The following R3HDM2 variants were observed in gnomAD, a reference collection of about 807,000 sequenced individuals.
The protein encoded by R3HDM2 is R3H domain-containing protein 2.
In R3HDM2, 38 loss-of-function variants were observed where a neutral mutation model predicts 124.5. The ratio of observed to expected loss-of-function variants is 0.31; its 90% CI spans 0.24 to 0.40. The LOEUF is 0.40. Among genes scored for constraint, R3HDM2 ranks in the 10% least tolerant of loss-of-function variants. The probability of loss-of-function intolerance (pLI) is 1.00; values close to 1 mark genes in which losing one functional copy is unlikely to be tolerated. For missense variants in R3HDM2, 869 were observed against 1,236.9 expected (o/e 0.70, Z 4.46); for synonymous variants, 391 against 448.0 (o/e 0.87, Z 1.61).
intron 2 of R3HDM2, among the ~76,000 whole-genome samples, chr12:57,316,247 C>A (rs1332314099): frequency 6.6e-6 from 1 of 152,188 alleles, no homozygotes; most frequent in Non-Finnish European, 1.5e-5. Flanking sequence ...TGATCTAACC[C>A]AGATTTCTTT....
intron 23 of R3HDM2, among the ~76,000 whole-genome samples, chr12:57,255,517 A>T (rs935466866): frequency 2.0e-5 from 3 of 152,340 alleles, no homozygotes; most frequent in Non-Finnish European, 4.4e-5. Context: ...GGCTGGCTCA[A>T]ATAGATTCTT....
chr12:57,336,951 T>C (rs2058929885), intron 2 of R3HDM2, among the ~76,000 whole-genome samples: 1 of 152,186 alleles, frequency 6.6e-6, no homozygotes, highest in African/African-American at 2.4e-5. Context: ...AAAAGTAATT[T>C]TTCAAATAAA....
At chr12:57,295,893 T>C (rs150936032) in intron 9 of R3HDM2, among the ~76,000 whole-genome samples, 1,720 of 152,318 alleles carry the variant, frequency 0.011, 27 homozygotes, top group African/African-American at 0.039. Flanking sequence ...TTTTTTGAGA[T>C]GGAGTCTCAC....
intron 2 of R3HDM2, among the ~76,000 whole-genome samples, chr12:57,334,796 A>G (rs2058650987): frequency 6.6e-6 from 1 of 152,086 alleles, no homozygotes; most frequent in South Asian, 2.1e-4. Context: ...CTAAATCACA[A>G]TATTTAAACT....
chr12:57,333,014 G>GT (rs1246108636), intron 2 of R3HDM2, among the ~76,000 whole-genome samples: 2 of 152,200 alleles, frequency 1.3e-5, no homozygotes, highest in African/African-American at 4.8e-5. Flanking sequence ...GACATAAAGT[G>GT]TAAGAAGGGA....
intron 2 of R3HDM2, among the ~76,000 whole-genome samples, chr12:57,350,179 CAGACTGGGCGACAG>C (rs2060534638): frequency 2.0e-5 from 3 of 151,958 alleles, no homozygotes; most frequent in Non-Finnish European, 4.4e-5. Flanking sequence ...CACTGCACAC[CAGACTGGGCGACAG>C]AGCAAGACTC....
intron 1 of R3HDM2, among the ~76,000 whole-genome samples, chr12:57,429,514 G>T (rs957512014): frequency 6.6e-6 from 1 of 152,144 alleles, no homozygotes; most frequent in South Asian, 2.1e-4. Context: ...CTTGAGCCCA[G>T]GAGTTCCAGA....
intron 1 of R3HDM2, among the ~76,000 whole-genome samples, chr12:57,428,414 G>C (rs1868494197): frequency 6.6e-6 from 1 of 151,390 alleles, no homozygotes; most frequent in African/African-American, 2.4e-5. Context: ...GGCAGATCAC[G>C]AGGTCAGGAG....
chr12:57,362,183 TACA>T (rs1345261705), intron 2 of R3HDM2, among the ~76,000 whole-genome samples: 5 of 152,288 alleles, frequency 3.3e-5, no homozygotes, highest in East Asian at 3.9e-4. Context: ...TCTGTAAAGT[TACA>T]ACAAGTGTGC....
intron 2 of R3HDM2, among the ~76,000 whole-genome samples, chr12:57,327,488 T>G (rs554325849): frequency 3.7e-4 from 52 of 139,720 alleles, no homozygotes; most frequent in African/African-American, 1.3e-3. Context: ...AAAAAAGAAA[T>G]ACATTTTGTA....
intron 1 of R3HDM2, among the ~76,000 whole-genome samples, chr12:57,409,105 GTTCTT>G (rs1012270303): frequency 6.6e-6 from 1 of 151,950 alleles, no homozygotes. Context: ...AGTCAGTAAG[GTTCTT>G]TAACACACAC....
intron 2 of R3HDM2, among the ~76,000 whole-genome samples, chr12:57,340,658 T>G (rs1283037001): frequency 6.6e-6 from 1 of 152,130 alleles, no homozygotes; most frequent in Non-Finnish European, 1.5e-5. Flanking sequence ...ACACAAAGAA[T>G]TCAGAGTAAA....
At chr12:57,424,525 G>A (rs902427558) in intron 1 of R3HDM2, among the ~76,000 whole-genome samples, 1 of 152,084 alleles carries the variant, frequency 6.6e-6, no homozygotes, top group Non-Finnish European at 1.5e-5. Flanking sequence ...TTTCCTCCTA[G>A]TCTTCTGTTA....
chr12:57,339,741 T>G (rs1593542984), intron 2 of R3HDM2, among the ~76,000 whole-genome samples: 1 of 147,384 alleles, frequency 6.8e-6, no homozygotes, highest in East Asian at 2.0e-4. Flanking sequence ...CTGTTAACAG[T>G]GAGAGCTGTT....
chr12:57,397,500 T>C (rs1056990523), intron 1 of R3HDM2, among the ~76,000 whole-genome samples: 1 of 152,182 alleles, frequency 6.6e-6, no homozygotes, highest in Non-Finnish European at 1.5e-5. Context: ...AAGGTTTCTA[T>C]GAAAAAGTTC....
chr12:57,359,815 T>C (rs2061670814), intron 2 of R3HDM2, among the ~76,000 whole-genome samples: 1 of 151,922 alleles, frequency 6.6e-6, no homozygotes. Context: ...ATTGGCTTAC[T>C]AGCTACACCT....
In R3HDM2 at chr12:57,254,641, C is replaced by T. The variant is rs368977767; in HGVS notation, c.*132G>A. The stretch of plus-strand genomic sequence containing the variant: ...GTGTAGGTATCTGTGTTTCCATCTT[C>T]ATCACTGTCTTAGGTTCCAGTTTAA... On this transcript the variant is annotated 3_prime_UTR_variant, in exon 24 of 24. Coordinates refer to ENST00000402412, the MANE Select transcript of R3HDM2 (RefSeq NM_001394031.1). 18 of 781,894 alleles carry T rather than the reference C, an allele frequency of 2.3e-5. No homozygotes were observed. The East Asian group carries it at 5.0e-4, about 22-fold the overall frequency. The allele number at this position is 781,894 out of a possible 1,614,324, so 48.4% of individuals were successfully genotyped here. A position where few individuals can be genotyped will look rare whatever the true frequency, so the allele number is the denominator to read the frequency against.
chr12:57,268,813 G>C, intron 17 of R3HDM2, 109 bp downstream of exon 17: 1 of 1,339,002 alleles, frequency 7.5e-7, no homozygotes, highest in Non-Finnish European at 1.0e-6. Flanking sequence ...CTAGGGGAAA[G>C]TAGACACTAT....
intron 7 of R3HDM2, chr12:57,297,807 C>T: frequency 2.4e-6 from 1 of 419,174 alleles, no homozygotes. Context: ...CTATCACTCC[C>T]AATGTGTGCT....
Sources: allele counts gnomAD v4.1 joint callset (sites outside exome capture counted in the v4.1 genomes callset), GRCh38; gene constraint gnomAD v4.1.1; transcripts MANE v1.5; gene names NCBI Gene and HGNC (gene_info 2026-07-23, HGNC 2026-07-21).